The following EIF3A variants were observed in gnomAD, a reference collection of about 807,000 sequenced individuals.
EIF3A encodes EIF3, p180 subunit.
Under a neutral mutation model 186.6 loss-of-function variants are expected in EIF3A, and 21 were observed. The observed-to-expected ratio is 0.11, with a 90% CI of 0.08 to 0.16. EIF3A has a LOEUF of 0.16. Among genes scored for constraint, EIF3A ranks in the 10% least tolerant of loss-of-function variants. The pLI is 1.00. For missense variants in EIF3A, 1,306 were observed against 1,796.3 expected (o/e 0.73, Z 4.93); for synonymous variants, 563 against 584.3 (o/e 0.96, Z 0.52).
intron 1 of EIF3A, among the ~76,000 whole-genome samples, chr10:119,074,317 T>C (rs1209268261): frequency 6.6e-6 from 1 of 151,934 alleles, no homozygotes; most frequent in Non-Finnish European, 1.5e-5. Context: ...ATACAAAAAT[T>C]AGCCAGGCGT....
rs780227182 is a variant in EIF3A, at chr10:119,061,250, A to G, written c.1201T>C (p.Leu401=). 1 of 1,585,476 alleles carries G rather than the reference A, an allele frequency of 6.3e-7. No homozygotes were observed. Among genetic ancestry groups the G allele is most frequent in the South Asian group, 1.1e-5 (1 of 88,818 alleles). ...TTTGTGACTCGCTCACAGAGTTTTA[A>G]TGGGTTAAATTCTACTTCAAGCCAA... is the stretch of plus-strand genomic sequence containing the variant. The part of the protein sequence containing the change: ...YNWLEVEFNP[L]KLCERVTKVL... The change falls in exon 8 of 22, where the codon TTA becomes CTA. Residue 401 remains leucine (L), a synonymous_variant. Coordinates refer to ENST00000369144, the MANE Select transcript of EIF3A (RefSeq NM_003750.4).
intron 7 of EIF3A, among the ~76,000 whole-genome samples, chr10:119,064,489 G>C (rs147007239): frequency 6.6e-6 from 1 of 152,220 alleles, no homozygotes; most frequent in East Asian, 1.9e-4. Flanking sequence ...GTTCTCCCAA[G>C]ATCTGGTGTT....
At position 119,042,376 on chromosome 10, in the gene EIF3A, C is replaced by T. The variant is rs758586961; in HGVS notation, c.3144G>A (p.Pro1048=). The T allele has an allele frequency of 6.2e-6, 10 of 1,612,820 alleles. No homozygotes were observed. The East Asian group carries it at 8.9e-5, about 14-fold the overall frequency. ...GCTCATCATCAGCGCCTCCTCGCCT[C>T]GGCCCCCGGTCATCATCCATCCCAC... is the stretch of plus-strand genomic sequence containing the variant. The part of the protein sequence containing the change: ...PRRGMDDDRG[P]RRGGADDERS... Residue 1048 remains proline, a synonymous_variant, in exon 19 of 22, where the codon CCG becomes CCA. Transcript: ENST00000369144. The surrounding 1 kb of genome is among the most constrained non-coding windows in gnomAD (Gnocchi z 7.8).
In EIF3A at chr10:119,036,230, G is replaced by T. The variant is rs192094747; in HGVS notation, c.3958C>A (p.Arg1320=). The T allele has an allele frequency of 6.2e-7, 1 of 1,612,968 alleles. No individual in the cohort carries two copies. The highest frequency in any genetic ancestry group is 2.2e-5 in the East Asian group (1 of 44,852). The stretch of plus-strand genomic sequence containing the variant: ...CGAGGAGGGTCCCGCTCTTCCACCC[G>T]GTCATCTTTCCTGTCATCAGCACGT... ...WRRADDRKDD[R]VEERDPPRRV... is the part of the protein sequence containing the mutation. The change falls in exon 22 of 22, where the codon CGG becomes AGG. Residue 1320 remains arginine (R), a synonymous_variant. Transcript: ENST00000369144.
chr10:119,064,424 G>A lies in EIF3A; in HGVS notation c.1122+975C>T, dbSNP rs1018741850. On this transcript the variant is annotated intron_variant, in intron 7 of 21. Transcript: ENST00000369144. Reference sequence around the variant, plus strand: ...CCTGGTGGGAGGTGACTAAATCATGGGGGCAATTTCTAATGATTTAGCACC... The same window carrying A: ...CCTGGTGGGAGGTGACTAAATCATGAGGGCAATTTCTAATGATTTAGCACC... 3.3e-5 allele frequency among the ~76,000 whole-genome samples: 5 copies of A among 152,042 alleles called. 1 individual carries two copies. In the East Asian group the frequency reaches 9.7e-4, roughly 29 times the overall value.
At position 119,035,080 on chromosome 10, in the gene EIF3A, C is replaced by T. The variant is rs1168115529; in HGVS notation, c.*959G>A. The T allele has an allele frequency of 6.6e-6, 1 of 152,614 alleles. No homozygotes were observed. The highest frequency in any genetic ancestry group is 2.4e-5 in the African/African-American group (1 of 41,528). The allele number at this position is 152,614 out of a possible 1,614,324, so 9.5% of individuals were successfully genotyped here. A position where few individuals can be genotyped will look rare whatever the true frequency, so the allele number is the denominator to read the frequency against. ...ATTTTATTTATCACTGAAGAAAAAA[C>T]ACAGCAGCAAGTTCTGTGTTGGCTT... On this transcript the variant is annotated 3_prime_UTR_variant, in exon 22 of 22. Transcript: ENST00000369144.
intron 6 of EIF3A, among the ~76,000 whole-genome samples, chr10:119,066,247 G>A (rs2119819845): frequency 6.6e-6 from 1 of 152,072 alleles, no homozygotes; most frequent in Admixed American, 6.5e-5. Context: ...AGTGGCTCAC[G>A]CCTGTAATCC....
At position 119,042,582 on chromosome 10, in the gene EIF3A, G is replaced by A. The variant is rs767887874; in HGVS notation, c.2938C>T (p.Arg980Cys). Reference protein sequence around the residue: ...RGPEEDRFSRRGADDDRPSWR... With the variant: ...RGPEEDRFSRCGADDDRPSWR... ...GAAGGCCGGTCATCGTCTGCCCCAC[G>A]ACGAGAGAACCTATCTTCCTCAGGA... The change falls in exon 19 of 22, where the codon CGT becomes TGT. Residue 980 changes from arginine (R) to cysteine (C), a missense_variant. By Grantham distance (180) the Arg-to-Cys change is radical (BLOSUM62 -3). Transcript: ENST00000369144. This position sits in a 1 kb window ranked among gnomAD's most constrained non-coding sequence, Gnocchi z 7.8. 7 of 1,613,938 alleles carry A rather than the reference G, an allele frequency of 4.3e-6. No homozygotes were observed. The highest frequency in any genetic ancestry group is 2.7e-5 in the African/African-American group (2 of 74,870).
At chr10:119,043,976 A>G in intron 18 of EIF3A, 78 bp downstream of exon 18, 2 of 1,093,708 alleles carry the variant, frequency 1.8e-6, no homozygotes, top group Non-Finnish European at 2.8e-6. Context: ...TGCCTCTACA[A>G]AATGAACCAA....
Position 119,042,823 on chromosome 10 carries a change from A to C in EIF3A, c.2748-51T>G. On this transcript the variant is annotated intron_variant, in intron 18 of 21. Coordinates refer to ENST00000369144, the MANE Select transcript of EIF3A (RefSeq NM_003750.4). This position sits in a 1 kb window ranked among gnomAD's most constrained non-coding sequence, Gnocchi z 7.8. ...AATATATAAAATAAAAAAGCATATG[A>C]TCCTTTGGGGATTTTTTTTTTCACA... The C allele has an allele frequency of 6.7e-7, 1 of 1,494,952 alleles. No homozygotes were observed. Among genetic ancestry groups the C allele is most frequent in the Non-Finnish European group, 8.9e-7 (1 of 1,127,302 alleles). 92.6% of individuals were successfully genotyped at this position (1,494,952 alleles called of 1,614,324 possible).
At chr10:119,071,211 T>C (rs1319142682) in intron 4 of EIF3A, 126 bp from the exon 5 acceptor site, 2 of 690,898 alleles carry the variant, frequency 2.9e-6, no homozygotes, top group Non-Finnish European at 4.9e-6. Context: ...CATTAGTCTT[T>C]GTGATGCAAT....
At chr10:119,071,564 C>T (rs1487667759) in intron 4 of EIF3A, among the ~76,000 whole-genome samples, 2 of 152,142 alleles carry the variant, frequency 1.3e-5, no homozygotes, top group African/African-American at 4.8e-5. Flanking sequence ...TAACTGGACA[C>T]GTTAATTTTT....
chr10:119,070,915 C>T lies in EIF3A; in HGVS notation c.712G>A (p.Asp238Asn). The T allele has an allele frequency of 6.2e-7, 1 of 1,613,732 alleles. No individual in the cohort carries two copies. The highest frequency in any genetic ancestry group is 8.5e-7 in the Non-Finnish European group (1 of 1,179,652). Residue 238 changes from aspartate to asparagine, a missense_variant, in exon 5 of 22, where the codon GAC becomes AAC. Around this residue, in one of 8 missense-constraint regions of EIF3A, gnomAD observed 267 missense variants for 367.8 expected, o/e 0.73. Coordinates refer to ENST00000369144, the MANE Select transcript of EIF3A (RefSeq NM_003750.4). ...CACAATTCCATGCTGATAGCACTGT[C>T]CAGCTGAACAAGTCTGGTTTCCAAA... Reference protein sequence around the residue: ...MHLETRLVQLDSAISMELWQE... With the variant: ...MHLETRLVQLNSAISMELWQE...
chr10:119,068,672 AAAT>A (rs1448546365), intron 6 of EIF3A, among the ~76,000 whole-genome samples: 1 of 146,940 alleles, frequency 6.8e-6, no homozygotes. Context: ...TCTCAAGAAA[AAAT>A]AAAATAAAAT....
rs1193340684 is a variant in EIF3A, at chr10:119,059,258, G to A, written c.1583C>T (p.Ser528Leu). ...GACTTCAAGTGCTTTTGCAAGTACT[G>A]AGGACATGGCTGTCAGCTGGTTTCT... is the stretch of plus-strand genomic sequence containing the variant. ...QIRNQLTAMSSVLAKALEVIK... is the reference protein window; with the variant it reads ...QIRNQLTAMSLVLAKALEVIK... The change falls in exon 11 of 22, where the codon TCA becomes TTA. Residue 528 changes from serine (S) to leucine (L), a missense_variant. By Grantham distance (145) the Ser-to-Leu change is moderately radical. Coordinates refer to ENST00000369144, the MANE Select transcript of EIF3A (RefSeq NM_003750.4). 3.1e-6 allele frequency: 5 copies of A among 1,614,084 alleles called. No individual in the cohort carries two copies. Among genetic ancestry groups the A allele is most frequent in the South Asian group, 1.1e-5 (1 of 91,088 alleles).
chr10:119,058,315 A>C lies in EIF3A; in HGVS notation c.1630-12T>G, dbSNP rs1843824667. On this transcript the variant is annotated splice_polypyrimidine_tract_variant and intron_variant, in intron 11 of 21. Transcript: ENST00000369144. Reference sequence around the variant, plus strand: ...TCTTCTTTCTCTTGCTTCAAAAACAAATGAATTTTTTTACATGACCAAAAT... The same window carrying C: ...TCTTCTTTCTCTTGCTTCAAAAACACATGAATTTTTTTACATGACCAAAAT... The C allele has an allele frequency of 2.0e-6, 3 of 1,535,520 alleles. No homozygotes were observed. Among genetic ancestry groups the C allele is most frequent in the Non-Finnish European group, 2.6e-6 (3 of 1,143,340 alleles).
At chr10:119,063,252 G>A (rs1843918772) in intron 7 of EIF3A, among the ~76,000 whole-genome samples, 1 of 152,086 alleles carries the variant, frequency 6.6e-6, no homozygotes, top group Non-Finnish European at 1.5e-5. Context: ...TGTGGGCAGT[G>A]GCAGCAGAAA....
At chr10:119,054,289 G>T (rs1022254887) in intron 14 of EIF3A, among the ~76,000 whole-genome samples, 1 of 152,148 alleles carries the variant, frequency 6.6e-6, no homozygotes, top group Non-Finnish European at 1.5e-5. Context: ...CCTTGCTCTC[G>T]ATCAGGCTTT....
At chr10:119,057,277 G>C (rs1171865633) in intron 12 of EIF3A, among the ~76,000 whole-genome samples, 1 of 152,114 alleles carries the variant, frequency 6.6e-6, no homozygotes, top group Non-Finnish European at 1.5e-5. Context: ...CTACTAAATA[G>C]GGTAAGCAAA....
Sources: gnomAD v4.1 joint callset for allele counts (sites outside exome capture counted in the v4.1 genomes callset) on GRCh38, gnomAD v4.1.1 for gene constraint, gnomAD v4.1.1 regional missense constraint, Gnocchi (gnomAD v3.1) non-coding constraint, MANE v1.5 for transcripts, NCBI Gene and HGNC (gene_info 2026-07-23, HGNC 2026-07-21) for gene names.